The following PLAUR variants were observed in gnomAD, a reference collection of about 807,000 sequenced individuals.
PLAUR encodes plasminogen activator, urokinase receptor.
PLAUR carries 22 observed loss-of-function variants against 33.4 expected under a neutral mutation model. That is an observed-to-expected ratio of 0.66 (90% CI 0.47 to 0.94). The LOEUF is 0.94. PLAUR is among the 40% of genes least tolerant of loss of function. The pLI, the probability that PLAUR is intolerant of heterozygous loss-of-function variation, is 0.00. For missense variants in PLAUR, 408 were observed against 434.7 expected (o/e 0.94, Z 0.55); for synonymous variants, 148 against 167.3 (o/e 0.88, Z 0.89).
chr19:43,663,442 T>C (rs1441081356), intron 3 of PLAUR, among the ~76,000 whole-genome samples: 1 of 151,456 alleles, frequency 6.6e-6, no homozygotes, highest in Non-Finnish European at 1.5e-5. Context: ...TGAGTGCAGT[T>C]TAACCAACTA....
Position 43,648,962 on chromosome 19 carries a change from AG to A in PLAUR, c.935del (p.Pro312LeufsTer11). On this transcript the variant is annotated frameshift_variant, in exon 7 of 7. Coordinates refer to ENST00000340093, the MANE Select transcript of PLAUR (RefSeq NM_002659.4). LOFTEE classifies it high-confidence loss of function. ...GGGTGATGGTGAGGCTGAGATGGGC[AG>A]GGCCAGGCTGAGGAGCAGCCCCACT... is the stretch of plus-strand genomic sequence containing the variant. ...YRSGAAPQPG[P>X]AHLSLTITLL... The A allele has an allele frequency of 6.2e-7, 1 of 1,614,146 alleles. No individual in the cohort carries two copies. The highest frequency in any genetic ancestry group is 1.1e-5 in the South Asian group (1 of 91,076).
Position 43,648,758 on chromosome 19 carries a change from C to G in PLAUR, c.*132G>C. The G allele has an allele frequency of 2.8e-6, 3 of 1,059,994 alleles. No individual in the cohort carries two copies. Among genetic ancestry groups the G allele is most frequent in the Non-Finnish European group, 4.1e-6 (3 of 732,966 alleles). 65.7% of individuals were successfully genotyped at this position (1,059,994 alleles called of 1,614,324 possible). ...CTTTGTGAGATAGCTGTTTTCATAGCTGGGAAAACTGAGGCCCAGAGAGGT... is the reference window on the plus strand; with the variant it reads ...CTTTGTGAGATAGCTGTTTTCATAGGTGGGAAAACTGAGGCCCAGAGAGGT... On this transcript the variant is annotated 3_prime_UTR_variant, in exon 7 of 7. Transcript: ENST00000340093.
Position 43,648,633 on chromosome 19 carries a change from T to G in PLAUR, c.*257A>C. ...TAAAATAAATAATATGAATATTAAT[T>G]AATAACAACAACACAACAGCGGCAA... On this transcript the variant is annotated 3_prime_UTR_variant, in exon 7 of 7. Transcript: ENST00000340093. The G allele has an allele frequency of 1.2e-6, 1 of 822,086 alleles. No homozygotes were observed. The highest frequency in any genetic ancestry group is 1.6e-6 in the Non-Finnish European group (1 of 617,464). 50.9% of individuals were successfully genotyped at this position (822,086 alleles called of 1,614,324 possible).
intron 3 of PLAUR, among the ~76,000 whole-genome samples, chr19:43,657,450 G>T (rs1974260169): frequency 6.6e-6 from 1 of 152,176 alleles, no homozygotes; most frequent in African/African-American, 2.4e-5. Context: ...ACTTCCCACA[G>T]TCTGCGACGA....
In PLAUR at chr19:43,656,510, C is replaced by T. The variant is rs1974216377; in HGVS notation, c.441G>A (p.Val147=). The change falls in exon 4 of 7, where the codon GTG becomes GTA. Residue 147 remains valine (V), a synonymous_variant. Coordinates refer to ENST00000340093, the MANE Select transcript of PLAUR (RefSeq NM_002659.4). ...CRSPEEQCLD[V]VTHWIQEGEE... is the part of the protein sequence containing the mutation. The stretch of plus-strand genomic sequence containing the variant: ...CACCTTCCTGGATCCAGTGGGTCAC[C>T]ACATCCAGGCACTGTTCTTCAGGGC... 1 of 1,603,508 alleles carries T rather than the reference C, an allele frequency of 6.2e-7. No individual in the cohort carries two copies.
chr19:43,650,310 G>A (rs925819590), intron 6 of PLAUR, among the ~76,000 whole-genome samples: 1 of 144,182 alleles, frequency 6.9e-6, no homozygotes, highest in African/African-American at 2.5e-5. Flanking sequence ...CGCCTGGCTG[G>A]TTTTTTTTTT....
intron 3 of PLAUR, among the ~76,000 whole-genome samples, chr19:43,658,264 A>G (rs932073697): frequency 2.0e-5 from 3 of 152,132 alleles, no homozygotes; most frequent in Admixed American, 1.3e-4. Flanking sequence ...TGCCAAAGCC[A>G]TGGGAGGGGA....
At chr19:43,647,290 G>A (rs529168915), downstream of PLAUR, among the ~76,000 whole-genome samples, 306 of 152,234 alleles carry the variant, frequency 2.0e-3, 2 homozygotes, top group Non-Finnish European at 3.1e-3. Context: ...CCGGTCCCCA[G>A]CACATCAGGG....
At chr19:43,648,056 G>T (rs1282618938), downstream of PLAUR, among the ~76,000 whole-genome samples, 2 of 151,698 alleles carry the variant, frequency 1.3e-5, no homozygotes, top group Non-Finnish European at 2.9e-5. Context: ...GAAAGTCTCT[G>T]GTCGGAAGGG....
At chr19:43,665,287 T>G (rs1175033957) in intron 3 of PLAUR, 29 bp downstream of exon 3, 1 of 1,611,014 alleles carries the variant, frequency 6.2e-7, no homozygotes, top group South Asian at 1.1e-5. Flanking sequence ...TGGCTTGGGG[T>G]TGGGGATGGC....
In PLAUR at chr19:43,667,321, G is replaced by A. The variant is rs149411874; in HGVS notation, c.166+260C>T. The A allele has an allele frequency of 2.0e-3, 1,067 of 535,794 alleles. 6 individuals are homozygous for A. Among genetic ancestry groups the A allele is most frequent in the African/African-American group, 0.018 (971 of 52,702 alleles). 33.2% of individuals were successfully genotyped at this position (535,794 alleles called of 1,614,324 possible). ...TGTAGCATATGTTAATCTTCATCTGGACTAGATATTGCCGAATCGCTCTAA... is the reference window on the plus strand; with the variant it reads ...TGTAGCATATGTTAATCTTCATCTGAACTAGATATTGCCGAATCGCTCTAA... On this transcript the variant is annotated intron_variant, in intron 2 of 6. Transcript: ENST00000340093.
At chr19:43,646,444 C>T, downstream of PLAUR, 2 of 718,040 alleles carry the variant, frequency 2.8e-6, no homozygotes, top group Non-Finnish European at 5.2e-6. Flanking sequence ...GGGGCTCTAT[C>T]TCCACATGGC....
chr19:43,666,865 G>C (rs542801915), intron 2 of PLAUR, among the ~76,000 whole-genome samples: 1 of 143,758 alleles, frequency 7.0e-6, no homozygotes, highest in South Asian at 2.2e-4. Context: ...CACCATGCCC[G>C]GCCCACCTTT....
At chr19:43,647,749 G>A (rs534188037), downstream of PLAUR, among the ~76,000 whole-genome samples, 42 of 152,222 alleles carry the variant, frequency 2.8e-4, no homozygotes, top group South Asian at 5.6e-3. Flanking sequence ...AGGTTGTGGT[G>A]AGCTGAGATT....
intron 1 of PLAUR, 52 bp from the exon 2 acceptor site, chr19:43,667,743 AC>A: frequency 1.3e-6 from 2 of 1,587,138 alleles, no homozygotes; most frequent in Non-Finnish European, 1.7e-6. Context: ...TAGCTCCAAG[AC>A]CCCCGCTCAC....
At chr19:43,667,813 C>A in intron 1 of PLAUR, 122 bp from the exon 2 acceptor site, 1 of 1,482,306 alleles carries the variant, frequency 6.7e-7, no homozygotes, top group South Asian at 1.3e-5. Flanking sequence ...AGATTCGTGT[C>A]CATGTTCTGC....
chr19:43,647,409 A>C (rs1279705370), downstream of PLAUR, among the ~76,000 whole-genome samples: 2 of 152,146 alleles, frequency 1.3e-5, no homozygotes, highest in African/African-American at 4.8e-5. Flanking sequence ...AAATGTGGGG[A>C]TGTCTCCTTA....
intron 1 of PLAUR, 106 bp from the exon 2 acceptor site, chr19:43,667,797 C>T (rs1201386027): frequency 6.6e-7 from 1 of 1,505,010 alleles, no homozygotes; most frequent in African/African-American, 1.4e-5. Flanking sequence ...CAGGCCCCGT[C>T]CATTCAGATT....
chr19:43,670,141 G>A lies in PLAUR; in HGVS notation c.-21C>T. The A allele has an allele frequency of 2.5e-6, 4 of 1,607,858 alleles. No individual in the cohort carries two copies. Among genetic ancestry groups the A allele is most frequent in the Non-Finnish European group, 3.4e-6 (4 of 1,177,346 alleles). ...CCCATGTCGCGAGGGCAGCTCCTGTGCGCGGGGTCCCTGCACGTCTTCTCT... is the reference window on the plus strand; with the variant it reads ...CCCATGTCGCGAGGGCAGCTCCTGTACGCGGGGTCCCTGCACGTCTTCTCT... On this transcript the variant is annotated 5_prime_UTR_variant, in exon 1 of 7. Transcript: ENST00000340093.
Sources: allele counts gnomAD v4.1 joint callset (sites outside exome capture counted in the v4.1 genomes callset), GRCh38; gene constraint gnomAD v4.1.1; transcripts MANE v1.5; gene names NCBI Gene and HGNC (gene_info 2026-07-23, HGNC 2026-07-21).